Variants in GOLGB1 observed in about 807,000 individuals in gnomAD.
GOLGB1 encodes the protein golgin subfamily B member 1.
In GOLGB1, 174 loss-of-function variants were observed where a neutral mutation model predicts 336.9. The ratio of observed to expected loss-of-function variants is 0.52; its 90% CI spans 0.46 to 0.59. The LOEUF is 0.59. GOLGB1 is among the 20% of genes least tolerant of loss of function. The pLI is 0.00. For synonymous variants in GOLGB1, 1,208 were observed against 1,289.2 expected (o/e 0.94, Z 1.35); for missense variants, 3,331 against 3,645.3 (o/e 0.91, Z 2.22).
At chr3:121,693,673 G>T in intron 13 of GOLGB1, 68 bp downstream of exon 13, 1 of 1,140,084 alleles carries the variant, frequency 8.8e-7, no homozygotes, top group Non-Finnish European at 1.3e-6. Context: ...AAAGGAAACA[G>T]AAATAGTTTA....
chr3:121,722,877 T>C (rs1439395354), intron 5 of GOLGB1, among the ~76,000 whole-genome samples: 1 of 152,198 alleles, frequency 6.6e-6, no homozygotes, highest in Non-Finnish European at 1.5e-5. Context: ...TGGCAGGGCT[T>C]TGCCATTCTT....
Position 121,716,683 on chromosome 3 carries a change from T to C in GOLGB1, c.1288+54A>G, listed in dbSNP as rs1576413651. Reference sequence around the variant, plus strand: ...TTAACAGATCCCTGAAAATATGAAATACAAGCCACTCAGATGGTAGAGATG... The same window carrying C: ...TTAACAGATCCCTGAAAATATGAAACACAAGCCACTCAGATGGTAGAGATG... On this transcript the variant is annotated intron_variant, in intron 9 of 21. Coordinates refer to ENST00000614479, the MANE Select transcript of GOLGB1 (RefSeq NM_001366282.2). The C allele has an allele frequency of 2.5e-5, 35 of 1,381,960 alleles. No individual in the cohort carries two copies. The South Asian group carries it at 4.6e-4, about 18-fold the overall frequency. The allele number at this position is 1,381,960 out of a possible 1,614,324, so 85.6% of individuals were successfully genotyped here.
intron 1 of GOLGB1, among the ~76,000 whole-genome samples, chr3:121,734,392 G>GA (rs34906801): frequency 0.72 from 76,955 of 107,054 alleles, 27,007 homozygotes; most frequent in East Asian, 0.85. Flanking sequence ...TCTGTCTCGG[G>GA]AAAAAAAAAA....
rs1943047504 is a variant in GOLGB1 at position 121,697,489 on chromosome 3, G to T, written c.3034C>A (p.Gln1012Lys). Reference protein sequence around the residue: ...AALINRKELLQRVSRLEEELA... With the variant: ...AALINRKELLKRVSRLEEELA... ...TCTTCTTCCAATCTACTGACTCTTT[G>T]CAGAAGCTCCTTTCTGTTAATAAGA... The change falls in exon 13 of 22, where the codon CAA becomes AAA. Residue 1012 changes from glutamine to lysine, a missense_variant. Coordinates refer to ENST00000614479, the MANE Select transcript of GOLGB1 (RefSeq NM_001366282.2). 6.2e-7 allele frequency: 1 copy of T among 1,611,034 alleles called. No homozygotes were observed. Among genetic ancestry groups the T allele is most frequent in the South Asian group, 1.1e-5 (1 of 90,384 alleles).
intron 1 of GOLGB1, among the ~76,000 whole-genome samples, chr3:121,734,837 C>T (rs928257116): frequency 3.3e-5 from 5 of 152,214 alleles, no homozygotes; most frequent in Non-Finnish European, 5.9e-5. Context: ...CACTCCTAGG[C>T]ATCTAACCAA....
Position 121,697,229 on chromosome 3 carries a change from C to T in GOLGB1, c.3294G>A (p.Leu1098=), listed in dbSNP as rs759815228. 2.5e-6 allele frequency: 4 copies of T among 1,614,080 alleles called. No homozygotes were observed. The highest frequency in any genetic ancestry group is 3.4e-6 in the Non-Finnish European group (4 of 1,179,986). ...GCAAGGTCTGATTCATCTGTTTGAC[C>T]AGAGCCTGGAATTGCTCTTCAGCTG... ...KLAAEEQFQA[L]VKQMNQTLQD... is the part of the protein sequence containing the mutation. Residue 1098 remains leucine, a synonymous_variant, in exon 13 of 22, where the codon CTG becomes CTA. Coordinates refer to ENST00000614479, the MANE Select transcript of GOLGB1 (RefSeq NM_001366282.2).
Position 121,702,529 on chromosome 3 carries a change from C to T in GOLGB1, c.1471G>A (p.Ala491Thr). ...AGCTCTATAGAACTAAGGAGCAAGG[C>T]TCCCTTTTCATTCTCTAGTTCTACC... ...RVVELENEKG[A>T]LLLSSIELEE... is the part of the protein sequence containing the mutation. Residue 491 changes from alanine to threonine, a missense_variant, in exon 11 of 22, where the codon GCC becomes ACC. By Grantham distance (58) the Ala-to-Thr change is moderately conservative. Transcript: ENST00000614479. 2 of 1,552,444 alleles carry T rather than the reference C, an allele frequency of 1.3e-6. No homozygotes were observed. Among genetic ancestry groups the T allele is most frequent in the South Asian group, 1.2e-5 (1 of 81,860 alleles).
Position 121,697,669 on chromosome 3 carries a change from C to CT in GOLGB1, c.2853dup (p.Glu952ArgfsTer7), listed in dbSNP as rs774978171. On this transcript the variant is annotated frameshift_variant, in exon 13 of 22. Coordinates refer to ENST00000614479, the MANE Select transcript of GOLGB1 (RefSeq NM_001366282.2). LOFTEE classifies it high-confidence loss of function. ...ACTTCATTATCTTCTTCCACCTGCT[C>CT]TTTTTTTGCTTCCTCAGCTCTGGAT... 17 of 1,612,380 alleles carry CT rather than the reference C, an allele frequency of 1.1e-5. No individual in the cohort carries two copies. The highest frequency in any genetic ancestry group is 1.4e-5 in the Non-Finnish European group (17 of 1,179,694).
Position 121,718,388 on chromosome 3 carries a change from C to G in GOLGB1, c.885G>C (p.Gln295His). 1.3e-6 allele frequency: 2 copies of G among 1,595,402 alleles called. No homozygotes were observed. The highest frequency in any genetic ancestry group is 1.7e-6 in the Non-Finnish European group (2 of 1,163,464). Residue 295 changes from glutamine (Q) to histidine (H), a missense_variant and splice_region_variant, in exon 8 of 22, where the codon CAG (glutamine) becomes CAC (histidine). By Grantham distance (24) the Gln-to-His change is conservative. Coordinates refer to ENST00000614479, the MANE Select transcript of GOLGB1 (RefSeq NM_001366282.2). ...GGAAGTAAAGATTAAAAGGCAGTAC[C>G]TGGTTTCTCTGCTCAGCAGCAGTCA... Reference protein sequence around the residue: ...QELTAAEQRNQILSQQLQQME... With the variant: ...QELTAAEQRNHILSQQLQQME...
intron 17 of GOLGB1, among the ~76,000 whole-genome samples, chr3:121,672,810 T>C (rs1164533281): frequency 1.3e-5 from 2 of 152,234 alleles, no homozygotes; most frequent in Non-Finnish European, 2.9e-5. Flanking sequence ...TTTTGTATGA[T>C]GAGAGATAGG....
At chr3:121,713,199 C>CT (rs749176061) in intron 10 of GOLGB1, among the ~76,000 whole-genome samples, 12 of 152,050 alleles carry the variant, frequency 7.9e-5, no homozygotes, top group Non-Finnish European at 1.6e-4. Context: ...GGGAAAAGAC[C>CT]TGGCAGTTCC....
In GOLGB1 at chr3:121,664,480, C is replaced by CT. The variant is rs754557246; in HGVS notation, c.9794dup (p.Ter3265=). 4 of 1,613,462 alleles carry CT rather than the reference C, an allele frequency of 2.5e-6. No individual in the cohort carries two copies. The African/African-American group carries it at 4.0e-5, about 16-fold the overall frequency. The change falls in exon 22 of 22, where the codon TAG becomes TAAG. Residue 3265 remains the stop codon, a frameshift_variant and stop_retained_variant. Coordinates refer to ENST00000614479, the MANE Select transcript of GOLGB1 (RefSeq NM_001366282.2). LOFTEE classifies it high-confidence loss of function. ...GTGGTCCAAAGAGTAACAACTAAGT[C>CT]TATAGATGGCCCGTAAAACACAGAA... ...LLILCFTGHL[*]
rs1277362116 is a variant in GOLGB1 at position 121,681,824 on chromosome 3, A to C, written c.8736T>G (p.Ile2912Met). 1 of 1,606,718 alleles carries C rather than the reference A, an allele frequency of 6.2e-7. No individual in the cohort carries two copies. Among genetic ancestry groups the C allele is most frequent in the Middle Eastern group, 1.7e-4 (1 of 6,052 alleles). The change falls in exon 15 of 22, where the codon ATT (isoleucine) becomes ATG (methionine). Residue 2912 changes from isoleucine (I) to methionine (M), a missense_variant. Ile to Met is a conservative substitution (Grantham distance 10, BLOSUM62 1). Transcript: ENST00000614479. Reference sequence around the variant, plus strand: ...GATGTAACTCAGTGATCTCTTGATTAATCTGTAAGTATTGCTGCTGCAGAT... The same window carrying C: ...GATGTAACTCAGTGATCTCTTGATTCATCTGTAAGTATTGCTGCTGCAGAT... ...LKNLQQQYLQINQEITELHPL... is the reference protein window; with the variant it reads ...LKNLQQQYLQMNQEITELHPL...
chr3:121,701,542 A>G (rs1413164889), intron 11 of GOLGB1, among the ~76,000 whole-genome samples: 3 of 152,192 alleles, frequency 2.0e-5, no homozygotes, highest in Non-Finnish European at 4.4e-5. Flanking sequence ...GATAAAGTGT[A>G]GTAGTCAGTT....
chr3:121,702,898 T>A (rs1943521878), intron 10 of GOLGB1, among the ~76,000 whole-genome samples: 1 of 152,122 alleles, frequency 6.6e-6, no homozygotes, highest in Non-Finnish European at 1.5e-5. Flanking sequence ...CATTTTCAGG[T>A]TCACAAACAA....
At chr3:121,746,253 T>C (rs757698431) in intron 1 of GOLGB1, among the ~76,000 whole-genome samples, 3 of 152,210 alleles carry the variant, frequency 2.0e-5, no homozygotes, top group Non-Finnish European at 4.4e-5. Context: ...TGGGTAGTGC[T>C]GTATAGCTGG....
At chr3:121,727,554 C>T (rs1027490606) in intron 4 of GOLGB1, among the ~76,000 whole-genome samples, 1 of 151,500 alleles carries the variant, frequency 6.6e-6, no homozygotes, top group Non-Finnish European at 1.5e-5. Flanking sequence ...ATAGAAAACC[C>T]GAAGTCTTGT....
intron 13 of GOLGB1, among the ~76,000 whole-genome samples, chr3:121,693,255 G>A (rs1938496732): frequency 6.6e-6 from 1 of 152,160 alleles, no homozygotes; most frequent in Non-Finnish European, 1.5e-5. Flanking sequence ...GGGAGGCCGA[G>A]GTGGGTGGAT....
At chr3:121,714,840 A>G (rs1944630049) in intron 10 of GOLGB1, 21 bp downstream of exon 10, 1 of 1,334,898 alleles carries the variant, frequency 7.5e-7, no homozygotes, top group Non-Finnish European at 1.1e-6. Flanking sequence ...TAATATTCAT[A>G]AGAAGTTCAC....
Sources: gnomAD v4.1 joint callset for allele counts (sites outside exome capture counted in the v4.1 genomes callset) on GRCh38, gnomAD v4.1.1 for gene constraint, MANE v1.5 for transcripts, NCBI Gene and HGNC (gene_info 2026-07-23, HGNC 2026-07-21) for gene names.